Variants in NPAS2 observed in about 807,000 individuals in gnomAD.
The protein encoded by NPAS2 is neuronal PAS domain protein 2, also known as neuronal PAS domain-containing protein 2.
In NPAS2, 23 loss-of-function variants were observed where a neutral mutation model predicts 107.5. That is an observed-to-expected ratio of 0.21 (90% CI 0.15 to 0.30). The LOEUF (loss-of-function observed/expected upper bound fraction) is 0.30, where lower values mean the gene tolerates loss of function less well. Ranked by LOEUF, NPAS2 falls within the 10% of genes least tolerant of loss-of-function variation. NPAS2 has a pLI of 1.00. For synonymous variants in NPAS2, 403 were observed against 417.5 expected, an observed-to-expected ratio of 0.97 and a Z score of 0.42; for missense variants, 756 against 1,043.3, an observed-to-expected ratio of 0.72 and a Z score of 3.79.
intron 5 of NPAS2, among the ~76,000 whole-genome samples, chr2:100,944,957 A>G (rs1210381210): frequency 6.6e-6 from 1 of 152,224 alleles, no homozygotes; most frequent in African/African-American, 2.4e-5. Context: ...AGAAGAGGCC[A>G]TGGAGTCACT....
intron 3 of NPAS2, among the ~76,000 whole-genome samples, chr2:100,931,832 C>G (rs1683981799): frequency 6.6e-6 from 1 of 152,172 alleles, no homozygotes; most frequent in African/African-American, 2.4e-5. Flanking sequence ...GCTGCATTCA[C>G]TAAGATTCAT....
rs73945847 is a variant in NPAS2, at chr2:100,954,256, C to G, written c.598+4776C>G. Among the ~76,000 whole-genome samples the G allele has an allele frequency of 2.5e-3, 386 of 152,042 alleles. 3 individuals carry two copies. The highest frequency in any genetic ancestry group is 9.0e-3 in the African/African-American group (373 of 41,448). On this transcript the variant is annotated intron_variant, in intron 7 of 20. Coordinates refer to ENST00000335681, the MANE Select transcript of NPAS2 (RefSeq NM_002518.4). ...AGCTTTAGGTGCGTTGCTTTGCATA[C>G]GAAAGGTACCTGGAAGGTGAGTTGT...
At chr2:100,892,205 C>G (rs1681113625) in intron 1 of NPAS2, among the ~76,000 whole-genome samples, 2 of 152,318 alleles carry the variant, frequency 1.3e-5, no homozygotes, top group South Asian at 4.1e-4. Flanking sequence ...GATGGCCCTT[C>G]CATCCAGATA....
chr2:100,877,043 C>T (rs1680014298), intron 1 of NPAS2, among the ~76,000 whole-genome samples: 1 of 152,212 alleles, frequency 6.6e-6, no homozygotes, highest in South Asian at 2.1e-4. Flanking sequence ...GGGGCCCTCT[C>T]CATCAACGTC....
intron 2 of NPAS2, among the ~76,000 whole-genome samples, chr2:100,906,243 A>AG (rs1682138782): frequency 6.6e-6 from 1 of 152,174 alleles, no homozygotes; most frequent in South Asian, 2.1e-4. Context: ...AGGGTTGCAA[A>AG]ATCCACTTGG....
chr2:100,842,081 G>GCACA (rs59267718), intron 1 of NPAS2, among the ~76,000 whole-genome samples: 34 of 148,902 alleles, frequency 2.3e-4, no homozygotes, highest in South Asian at 8.5e-4. Flanking sequence ...GCATGTACGC[G>GCACA]CACACACACA....
intron 7 of NPAS2, among the ~76,000 whole-genome samples, chr2:100,953,681 G>C (rs1392123447): frequency 6.6e-6 from 1 of 152,150 alleles, no homozygotes; most frequent in Non-Finnish European, 1.5e-5. Flanking sequence ...TATGATGTGT[G>C]AGTGGGAAGT....
intron 1 of NPAS2, among the ~76,000 whole-genome samples, chr2:100,829,260 C>T (rs922150786): frequency 2.0e-5 from 3 of 151,376 alleles, no homozygotes; most frequent in Non-Finnish European, 4.4e-5. Context: ...TCTCAGCTCA[C>T]TACAACCTCA....
chr2:100,904,857 T>A (rs1682039091), intron 2 of NPAS2, 71 bp downstream of exon 2: 2 of 1,137,214 alleles, frequency 1.8e-6, no homozygotes, highest in Admixed American at 3.9e-5. Context: ...AGAATCTCGC[T>A]GGCTTTCACT....
chr2:100,948,412 A>G, intron 6 of NPAS2, 57 bp downstream of exon 6: 2 of 1,512,860 alleles, frequency 1.3e-6, no homozygotes, highest in Non-Finnish European at 1.8e-6. Context: ...TGCTTTTGAA[A>G]GGAGGTTAGA....
chr2:100,942,745 G>C (rs1000546885), intron 5 of NPAS2, among the ~76,000 whole-genome samples: 5 of 152,050 alleles, frequency 3.3e-5, no homozygotes, highest in African/African-American at 4.8e-5. Context: ...GTCATTGTTT[G>C]CTTGTTTTCC....
intron 15 of NPAS2, among the ~76,000 whole-genome samples, chr2:100,978,552 AAAG>A (rs1426525885): frequency 2.0e-5 from 3 of 152,056 alleles, no homozygotes; most frequent in Admixed American, 6.5e-5. Context: ...GAAAGAAAGA[AAAG>A]AAAAGGATTA....
At chr2:100,838,259 A>T (rs969780070) in intron 1 of NPAS2, among the ~76,000 whole-genome samples, 2 of 149,082 alleles carry the variant, frequency 1.3e-5, no homozygotes, top group Non-Finnish European at 3.0e-5. Flanking sequence ...ATGTGTGCTG[A>T]TTTAATTTTT....
intron 1 of NPAS2, chr2:100,821,019 C>G (rs1251333021): frequency 3.1e-6 from 4 of 1,299,152 alleles, no homozygotes; most frequent in Non-Finnish European, 3.0e-6. Context: ...CGGAGCTCCC[C>G]AGGTTGGATG....
chr2:100,885,863 G>A (rs11123851), intron 1 of NPAS2, among the ~76,000 whole-genome samples: 64,873 of 151,920 alleles, frequency 0.43, 14,520 homozygotes, highest in African/African-American at 0.55. Flanking sequence ...GCCTAGCCAT[G>A]TTGGCCAGGC....
At chr2:100,833,772 T>A (rs780269800) in intron 1 of NPAS2, among the ~76,000 whole-genome samples, 19 of 152,242 alleles carry the variant, frequency 1.2e-4, no homozygotes, top group Non-Finnish European at 2.1e-4. Flanking sequence ...GAATGTGACA[T>A]GTGCTACTTC....
intron 1 of NPAS2, among the ~76,000 whole-genome samples, chr2:100,862,939 G>A (rs74734518): frequency 0.021 from 3,238 of 152,248 alleles, 62 homozygotes; most frequent in South Asian, 0.032. Context: ...TATGTATGGA[G>A]CTGTTAGTGA....
At chr2:100,972,325 A>C (rs2105206973) in intron 12 of NPAS2, among the ~76,000 whole-genome samples, 1 of 152,298 alleles carries the variant, frequency 6.6e-6, no homozygotes, top group East Asian at 1.9e-4. Flanking sequence ...CATCAACGGA[A>C]GGACACGTCT....
chr2:100,893,861 C>T (rs186810492), intron 1 of NPAS2, among the ~76,000 whole-genome samples: 1 of 152,312 alleles, frequency 6.6e-6, no homozygotes, highest in African/African-American at 2.4e-5. Flanking sequence ...ATGCTCTGCA[C>T]CTAAAATAGT....
Sources: allele counts gnomAD v4.1 joint callset (sites outside exome capture counted in the v4.1 genomes callset), GRCh38; gene constraint gnomAD v4.1.1; transcripts MANE v1.5; gene names NCBI Gene and HGNC (gene_info 2026-07-23, HGNC 2026-07-21).